The following GSG1 variants were observed in gnomAD, a reference collection of about 807,000 sequenced individuals.
GSG1 encodes germ cell associated 1.
A neutral mutation model predicts 30.8 loss-of-function variants in GSG1; 28 were observed. The ratio of observed to expected loss-of-function variants is 0.91; its 90% CI spans 0.67 to 1.25. The LOEUF is 1.25. Among genes scored for constraint, GSG1 ranks in the 50% most tolerant of loss-of-function variants. The pLI, the probability that GSG1 is intolerant of heterozygous loss-of-function variation, is 0.00. For missense variants in GSG1, 435 were observed against 444.7 expected, an observed-to-expected ratio of 0.98 and a Z score of 0.20; for synonymous variants, 162 against 178.0, an observed-to-expected ratio of 0.91 and a Z score of 0.71.
At chr12:13,099,750 G>GTTTTTTTTTTTTTTTTTTTTTTTTTTTTT (rs57762367) in intron 1 of GSG1, among the ~76,000 whole-genome samples, 4 of 114,834 alleles carry the variant, frequency 3.5e-5, no homozygotes, top group Non-Finnish European at 5.4e-5. Context: ...GTTTTTTTTT[G>GTTTTTTTTTTTTTTTTTTTTTTTTTTTTT]TTTTTTTTTT....
rs35956952 is a variant in GSG1, at chr12:13,100,132, T to TATGA, written c.48+3329_48+3332dup. 8.0e-3 allele frequency among the ~76,000 whole-genome samples: 1,211 copies of TATGA among 151,290 alleles called. 12 individuals carry two copies. Among genetic ancestry groups the TATGA allele is most frequent in the Middle Eastern group, 0.031 (9 of 290 alleles). ...CAGAGCCTAGCAGTGTTTTAACATC[T>TATGA]ATGAATGAATGAATGAATGAATGAA... On this transcript the variant is annotated intron_variant, in intron 1 of 6. Coordinates refer to ENST00000651961, the MANE Select transcript of GSG1 (RefSeq NM_001080555.4).
In GSG1 at chr12:13,103,454, A is replaced by G. The variant is rs1337570677; in HGVS notation, c.48+11T>C. On this transcript the variant is annotated intron_variant, in intron 1 of 6. Transcript: ENST00000651961. Reference sequence around the variant, plus strand: ...GAGATGTTCATGAGATTTCAAAATCACTGTACCTACCTCCTGGGTGAGGCA... The same window carrying G: ...GAGATGTTCATGAGATTTCAAAATCGCTGTACCTACCTCCTGGGTGAGGCA... The G allele has an allele frequency of 6.2e-7, 1 of 1,607,462 alleles. No homozygotes were observed. The highest frequency in any genetic ancestry group is 1.3e-5 in the African/African-American group (1 of 74,798).
Position 13,101,062 on chromosome 12 carries a change from A to G in GSG1, c.48+2403T>C, listed in dbSNP as rs1351425803. Reference sequence around the variant, plus strand: ...GAAGCCGCCTTTCTTCCAGGCCCCAAGCAGCTGGAGTGAATCAGAGGGGCA... The same window carrying G: ...GAAGCCGCCTTTCTTCCAGGCCCCAGGCAGCTGGAGTGAATCAGAGGGGCA... On this transcript the variant is annotated intron_variant, in intron 1 of 6. Coordinates refer to ENST00000651961, the MANE Select transcript of GSG1 (RefSeq NM_001080555.4). This position sits in a 1 kb window ranked among gnomAD's most constrained non-coding sequence, Gnocchi z 5.8. Among the ~76,000 whole-genome samples, 1 of 152,220 alleles carries G rather than the reference A, an allele frequency of 6.6e-6. No individual in the cohort carries two copies. The highest frequency in any genetic ancestry group is 1.5e-5 in the Non-Finnish European group (1 of 68,048).
Position 13,089,256 on chromosome 12 carries a change from A to G in GSG1, c.385T>C (p.Trp129Arg). The G allele has an allele frequency of 1.3e-6, 2 of 1,557,462 alleles. No individual in the cohort carries two copies. Among genetic ancestry groups the G allele is most frequent in the African/African-American group, 1.4e-5 (1 of 73,406 alleles). The change falls in exon 3 of 7, where the codon TGG becomes CGG. Residue 129 changes from tryptophan to arginine, a missense_variant. Coordinates refer to ENST00000651961, the MANE Select transcript of GSG1 (RefSeq NM_001080555.4). ...GACCGAAGGGCTCTAAATTGTTTCC[A>G]GGACTGGGGATGGAGCAGTGCTAAG... ...EEPALLHPQSWKQFRALRSSG... is the reference protein window; with the variant it reads ...EEPALLHPQSRKQFRALRSSG...
At chr12:13,095,067 G>A (rs990289197) in intron 1 of GSG1, among the ~76,000 whole-genome samples, 1 of 152,160 alleles carries the variant, frequency 6.6e-6, no homozygotes, top group African/African-American at 2.4e-5. Context: ...GTCCACCAGG[G>A]AGAGACACAA....
intron 1 of GSG1, among the ~76,000 whole-genome samples, chr12:13,092,030 A>G (rs1336683725): frequency 1.3e-5 from 2 of 152,248 alleles, no homozygotes; most frequent in Non-Finnish European, 2.9e-5. Context: ...GGTGATTTGC[A>G]TAGATTGAAT....
At chr12:13,095,854 C>T in intron 1 of GSG1, 1 of 1,344,566 alleles carries the variant, frequency 7.4e-7, no homozygotes, top group Non-Finnish European at 9.8e-7. Context: ...CACCAGAGAG[C>T]TTGCCAATGG....
At chr12:13,088,777 T>G in intron 4 of GSG1, 85 bp downstream of exon 4, 2 of 1,613,990 alleles carry the variant, frequency 1.2e-6, no homozygotes, top group South Asian at 1.1e-5. Flanking sequence ...GAGGGAAGCC[T>G]TCTCCATCAA....
In GSG1 at chr12:13,087,234, A is replaced by G. The variant is rs1277380299; in HGVS notation, c.664T>C (p.Tyr222His). 1.2e-6 allele frequency: 2 copies of G among 1,614,018 alleles called. No individual in the cohort carries two copies. Among genetic ancestry groups the G allele is most frequent in the Non-Finnish European group, 8.5e-7 (1 of 1,179,868 alleles). ...ACAGTCGCTTGGAAGACTTGTGAAT[A>G]CATCATGTGGGCCACCATCCCCAGG... ...GLLGMVAHMM[Y>H]SQVFQATVNL... The change falls in exon 6 of 7, where the codon TAT becomes CAT. Residue 222 changes from tyrosine to histidine, a missense_variant. Coordinates refer to ENST00000651961, the MANE Select transcript of GSG1 (RefSeq NM_001080555.4).
chr12:13,095,640 G>T, intron 1 of GSG1: 1 of 1,614,192 alleles, frequency 6.2e-7, no homozygotes, highest in South Asian at 1.1e-5. Flanking sequence ...TGGAAGAACC[G>T]AAGGATGCCA....
chr12:13,090,151 A>G (rs1865939123), intron 2 of GSG1, among the ~76,000 whole-genome samples: 1 of 152,240 alleles, frequency 6.6e-6, no homozygotes, highest in South Asian at 2.1e-4. Flanking sequence ...CTAAACAGCA[A>G]TTCTAGCTCC....
intron 2 of GSG1, among the ~76,000 whole-genome samples, chr12:13,089,735 T>C (rs2120717222): frequency 6.6e-6 from 1 of 152,294 alleles, no homozygotes; most frequent in South Asian, 2.1e-4. Context: ...ATCTCACAAA[T>C]GAGCAAATCA....
intron 4 of GSG1, chr12:13,088,630 G>A: frequency 1.0e-6 from 1 of 988,378 alleles, no homozygotes; most frequent in Non-Finnish European, 1.5e-6. Context: ...AGGAATTTGT[G>A]TCACCCTTTG....
At chr12:13,099,199 C>T (rs1005322799) in intron 1 of GSG1, among the ~76,000 whole-genome samples, 2 of 152,188 alleles carry the variant, frequency 1.3e-5, no homozygotes, top group East Asian at 1.9e-4. Flanking sequence ...CCACAAACAT[C>T]AGAGCCCAGC....
At position 13,085,140 on chromosome 12, in the gene GSG1, A is replaced by G. The variant is rs1192258616; in HGVS notation, c.850T>C (p.Phe284Leu). The change falls in exon 7 of 7, where the codon TTC (phenylalanine) becomes CTC (leucine). Residue 284 changes from phenylalanine to leucine, a missense_variant. By Grantham distance (22) the Phe-to-Leu change is conservative. Coordinates refer to ENST00000651961, the MANE Select transcript of GSG1 (RefSeq NM_001080555.4). ...GGTAGGCAGTTCGGGTTTTCCTTGA[A>G]GCTCTTACTATGCTTGCACTTGAAC... The part of the protein sequence containing the change: ...LEFKCKHSKS[F>L]KENPNCLPHH... 4 of 1,614,112 alleles carry G rather than the reference A, an allele frequency of 2.5e-6. No homozygotes were observed. Among genetic ancestry groups the G allele is most frequent in the Middle Eastern group, 1.6e-4 (1 of 6,062 alleles).
At chr12:13,102,691 G>A (rs1863302985) in intron 1 of GSG1, among the ~76,000 whole-genome samples, 1 of 152,212 alleles carries the variant, frequency 6.6e-6, no homozygotes, top group African/African-American at 2.4e-5. Context: ...GTGTGTGTGT[G>A]TTTGTGTATG....
chr12:13,084,791 G>T lies in GSG1; in HGVS notation c.*110C>A. The T allele has an allele frequency of 1.4e-6, 1 of 702,354 alleles. No individual in the cohort carries two copies. The highest frequency in any genetic ancestry group is 2.4e-6 in the Non-Finnish European group (1 of 420,664). The allele number at this position is 702,354 out of a possible 1,614,324, so 43.5% of individuals were successfully genotyped here. A position where few individuals can be genotyped will look rare whatever the true frequency, so the allele number is the denominator to read the frequency against. ...ATAACCCTTATTCATAGCCTTATTC[G>T]TAGCCTCTAAAAACCATGCTCAAGA... is the stretch of plus-strand genomic sequence containing the variant. On this transcript the variant is annotated 3_prime_UTR_variant, in exon 7 of 7. Transcript: ENST00000651961.
Position 13,090,547 on chromosome 12 carries a change from C to T in GSG1, c.320G>A (p.Arg107Gln), listed in dbSNP as rs144605733. The change falls in exon 2 of 7, where the codon CGG becomes CAG. Residue 107 changes from arginine to glutamine, a missense_variant. Coordinates refer to ENST00000651961, the MANE Select transcript of GSG1 (RefSeq NM_001080555.4). ...GDDRFSFRSF[R>Q]SGMWLSCEET... The stretch of plus-strand genomic sequence containing the variant: ...CTCACAGGATAGCCACATGCCACTC[C>T]GGAAGCTCCGGAAGGAGAACCGGTC... 62 of 1,613,988 alleles carry T rather than the reference C, an allele frequency of 3.8e-5. No individual in the cohort carries two copies. The highest frequency in any genetic ancestry group is 1.1e-4 in the African/African-American group (8 of 74,940).
chr12:13,093,687 G>A lies in GSG1; in HGVS notation c.49-2869C>T, dbSNP rs1866383288. On this transcript the variant is annotated intron_variant, in intron 1 of 6. Transcript: ENST00000651961. This position sits in a 1 kb window ranked among gnomAD's most constrained non-coding sequence, Gnocchi z 4.6. ...TAGGGTGTCGGCAGCCAAGCCCTTG[G>A]TCAGTGGAGAGGAACCTGGAGGGCC... is the stretch of plus-strand genomic sequence containing the variant. Among the ~76,000 whole-genome samples, 1 of 152,166 alleles carries A rather than the reference G, an allele frequency of 6.6e-6. No homozygotes were observed. The highest frequency in any genetic ancestry group is 6.5e-5 in the Admixed American group (1 of 15,288).
Sources: allele counts gnomAD v4.1 joint callset (sites outside exome capture counted in the v4.1 genomes callset), GRCh38; gene constraint gnomAD v4.1.1; non-coding constraint Gnocchi (gnomAD v3.1); transcripts MANE v1.5; gene names NCBI Gene and HGNC (gene_info 2026-07-23, HGNC 2026-07-21).